The following STPG2 variants were observed in gnomAD, a reference collection of about 807,000 sequenced individuals.
STPG2 encodes the protein sperm tail PG-rich repeat containing 2.
Under a neutral mutation model 54.2 loss-of-function variants are expected in STPG2, and 56 were observed. That is an observed-to-expected ratio of 1.03 (90% confidence interval 0.83 to 1.29). The LOEUF is 1.29. Among genes scored for constraint, STPG2 ranks in the 50% most tolerant of loss-of-function variants. The pLI is 0.00. For missense variants in STPG2, 596 were observed against 544.9 expected, an observed-to-expected ratio of 1.09 and a Z score of -0.93; for synonymous variants, 200 against 181.8, an observed-to-expected ratio of 1.10 and a Z score of -0.81.
At chr4:97,500,724 A>AT (rs892801042) in intron 4 of STPG2, among the ~76,000 whole-genome samples, 1 of 152,058 alleles carries the variant, frequency 6.6e-6, no homozygotes, top group African/African-American at 2.4e-5. Context: ...TATGTTAAAT[A>AT]TTGCTAATTA....
chr4:98,100,965 T>C (rs1739015388), intron 5 of STPG2, among the ~76,000 whole-genome samples: 1 of 152,060 alleles, frequency 6.6e-6, no homozygotes. Flanking sequence ...CGTGAGCCAC[T>C]GCACCCCGCC....
intron 4 of STPG2, among the ~76,000 whole-genome samples, chr4:97,475,365 T>C (rs1376174407): frequency 6.6e-6 from 1 of 151,504 alleles, no homozygotes; most frequent in Admixed American, 6.6e-5. Context: ...ATTAGGTGTG[T>C]TATGACTTTT....
intron 10 of STPG2, among the ~76,000 whole-genome samples, chr4:97,614,292 A>G (rs1298134148): frequency 1.9e-5 from 2 of 107,776 alleles, no homozygotes; most frequent in African/African-American, 7.0e-5. Context: ...TGTGCCCTCT[A>G]AAGAGATTTT....
At position 97,841,207 on chromosome 4, in the gene STPG2, T is replaced by G. The variant is rs534451545; in HGVS notation, c.1045-275A>C. On this transcript the variant is annotated intron_variant, in intron 8 of 10. Coordinates refer to ENST00000295268, the MANE Select transcript of STPG2 (RefSeq NM_174952.3). ...TAGCTTTCATGATATAGATCAAATATATTCAATTTAATCCTGAAAATCAAA... is the reference window on the plus strand; with the variant it reads ...TAGCTTTCATGATATAGATCAAATAGATTCAATTTAATCCTGAAAATCAAA... Among the ~76,000 whole-genome samples, 4 of 151,872 alleles carry G rather than the reference T, an allele frequency of 2.6e-5. No homozygotes were observed. In the South Asian group the frequency reaches 8.3e-4, roughly 31 times the overall value.
intron 8 of STPG2, among the ~76,000 whole-genome samples, chr4:97,925,683 A>G (rs770210778): frequency 3.9e-5 from 6 of 152,188 alleles, no homozygotes; most frequent in Non-Finnish European, 7.3e-5. Context: ...GTAACAAAAT[A>G]CAGTTTTTAG....
intron 4 of STPG2, among the ~76,000 whole-genome samples, chr4:97,511,151 T>A (rs1730963642): frequency 6.6e-6 from 1 of 151,846 alleles, no homozygotes. Context: ...AAAACTATAA[T>A]CAAAACAGAG....
chr4:97,651,111 C>G (rs1722054125), intron 10 of STPG2, among the ~76,000 whole-genome samples: 1 of 152,038 alleles, frequency 6.6e-6, no homozygotes, highest in Non-Finnish European at 1.5e-5. Context: ...ACTCCCATCA[C>G]TTTTTCCTAA....
Position 98,141,091 on chromosome 4 carries a change from G to T in STPG2, c.109+1951C>A, listed in dbSNP as rs998978801. 1.8e-4 allele frequency among the ~76,000 whole-genome samples: 28 copies of T among 152,020 alleles called. 1 individual carries two copies. The highest frequency in any genetic ancestry group is 6.5e-4 in the African/African-American group (27 of 41,388). The stretch of plus-strand genomic sequence containing the variant: ...TATTTTGCCCAAATTCCTATCTAAG[G>T]GGTCTAGGGAGTCACGCCCTACAAA... On this transcript the variant is annotated intron_variant, in intron 1 of 10. Coordinates refer to ENST00000295268, the MANE Select transcript of STPG2 (RefSeq NM_174952.3).
At chr4:97,952,833 A>T (rs1733524992) in intron 7 of STPG2, among the ~76,000 whole-genome samples, 1 of 152,180 alleles carries the variant, frequency 6.6e-6, no homozygotes, top group Non-Finnish European at 1.5e-5. Flanking sequence ...TACAGACAAT[A>T]GTGATAGCAG....
intron 5 of STPG2, among the ~76,000 whole-genome samples, chr4:98,031,710 G>T (rs1441812874): frequency 6.6e-6 from 1 of 151,898 alleles, no homozygotes; most frequent in Non-Finnish European, 1.5e-5. Context: ...ATAAAAAAAA[G>T]TAAATAACTG....
At chr4:97,663,763 T>C (rs1398955374) in intron 10 of STPG2, among the ~76,000 whole-genome samples, 1 of 152,216 alleles carries the variant, frequency 6.6e-6, no homozygotes, top group Non-Finnish European at 1.5e-5. Context: ...GCCTTTTATC[T>C]GTAGGCCTGC....
At position 97,450,002 on chromosome 4, in the gene STPG2, A is replaced by G. The variant is rs543260011; in HGVS notation, c.463-262169T>C. Reference sequence around the variant, plus strand: ...TGTAAAAAGTCACCAATACTTATTTATAATATGAACAAAAATTAGTTTCAG... The same window carrying G: ...TGTAAAAAGTCACCAATACTTATTTGTAATATGAACAAAAATTAGTTTCAG... On this transcript the variant is annotated intron_variant, in intron 4 of 4. Coordinates refer to the STPG2 transcript ENST00000522676. Among the ~76,000 whole-genome samples, 3 of 152,340 alleles carry G rather than the reference A, an allele frequency of 2.0e-5. No individual in the cohort carries two copies. In the South Asian group the frequency reaches 6.2e-4, roughly 32 times the overall value.
intron 10 of STPG2, among the ~76,000 whole-genome samples, chr4:97,608,159 GT>G (rs1306072547): frequency 2.0e-5 from 3 of 151,972 alleles, no homozygotes; most frequent in African/African-American, 7.2e-5. Flanking sequence ...CAGTTTCACA[GT>G]TTTGGGATTA....
intron 10 of STPG2, among the ~76,000 whole-genome samples, chr4:97,631,829 T>A (rs530315169): frequency 6.4e-4 from 98 of 152,230 alleles, no homozygotes; most frequent in African/African-American, 2.2e-3. Flanking sequence ...TTTTTGACAA[T>A]GCAAGGGTAT....
intron 9 of STPG2, among the ~76,000 whole-genome samples, chr4:97,783,657 A>G (rs1048778206): frequency 6.6e-6 from 1 of 152,230 alleles, no homozygotes; most frequent in African/African-American, 2.4e-5. Context: ...TCACAATAGC[A>G]AAGACTTGGA....
At chr4:97,741,321 A>G (rs948423141) in intron 9 of STPG2, among the ~76,000 whole-genome samples, 43 of 152,318 alleles carry the variant, frequency 2.8e-4, no homozygotes, top group African/African-American at 9.9e-4. Context: ...TTCATGTCTA[A>G]AACACCAAAA....
At chr4:97,639,739 C>T (rs80331065) in intron 10 of STPG2, among the ~76,000 whole-genome samples, 4,801 of 151,772 alleles carry the variant, frequency 0.032, 171 homozygotes, top group African/African-American at 0.088. Context: ...GGAAAACATG[C>T]GTTTAGTGAT....
At chr4:97,843,175 G>GT (rs1297628839) in intron 8 of STPG2, among the ~76,000 whole-genome samples, 378 of 147,902 alleles carry the variant, frequency 2.6e-3, no homozygotes, top group African/African-American at 7.5e-3. Flanking sequence ...TTTTTTGGTG[G>GT]TTTTTTTTTT....
intron 10 of STPG2, among the ~76,000 whole-genome samples, chr4:97,582,436 AAGT>A (rs1478620438): frequency 6.6e-6 from 1 of 152,098 alleles, no homozygotes; most frequent in Non-Finnish European, 1.5e-5. Context: ...ATTCAGTAAT[AAGT>A]AGAAGATATT....
Sources: allele counts gnomAD v4.1 joint callset (sites outside exome capture counted in the v4.1 genomes callset), GRCh38; gene constraint gnomAD v4.1.1; transcripts MANE v1.5; gene names NCBI Gene and HGNC (gene_info 2026-07-23, HGNC 2026-07-21).